CDK14: variants seen among roughly 807,000 people sequenced by gnomAD.
CDK14 encodes cyclin dependent kinase 14.
A neutral mutation model predicts 60.7 loss-of-function variants in CDK14; 34 were observed. The observed-to-expected ratio is 0.56, with a 90% confidence interval of 0.43 to 0.75. CDK14 has a LOEUF of 0.75. Ranked by LOEUF, CDK14 falls within the 30% of genes least tolerant of loss-of-function variation. CDK14 has a pLI of 0.00. For synonymous variants in CDK14, 197 were observed against 203.7 expected, an observed-to-expected ratio of 0.97 and a Z score of 0.28; for missense variants, 482 against 564.1, an observed-to-expected ratio of 0.85 and a Z score of 1.47.
At chr7:91,202,786 C>T (rs1263404327) in intron 14 of CDK14, among the ~76,000 whole-genome samples, 2 of 152,270 alleles carry the variant, frequency 1.3e-5, no homozygotes, top group East Asian at 3.9e-4. Flanking sequence ...CTCATTGGCG[C>T]CTCTCTTCTG....
intron 6 of CDK14, among the ~76,000 whole-genome samples, chr7:90,865,605 G>T (rs1027519095): frequency 2.0e-5 from 3 of 152,066 alleles, no homozygotes; most frequent in Non-Finnish European, 4.4e-5. Context: ...ATTAGTGAGC[G>T]GCATAAGGTA....
chr7:91,166,754 TCTGA>T (rs964686497), intron 14 of CDK14, among the ~76,000 whole-genome samples: 3 of 152,364 alleles, frequency 2.0e-5, no homozygotes, highest in African/African-American at 7.2e-5. Flanking sequence ...CAACAGTTCT[TCTGA>T]CTAGTCCCAA....
chr7:90,768,359 A>G (rs915481072), intron 4 of CDK14, among the ~76,000 whole-genome samples: 1 of 152,172 alleles, frequency 6.6e-6, no homozygotes, highest in Non-Finnish European at 1.5e-5. Flanking sequence ...GGATTTATAT[A>G]TATTTGTGCA....
Position 90,861,913 on chromosome 7 carries a change from A to G in CDK14, c.545-1262A>G, listed in dbSNP as rs1043273154. Among the ~76,000 whole-genome samples the G allele has an allele frequency of 4.6e-5, 7 of 152,358 alleles. 1 individual carries two copies. The highest frequency in any genetic ancestry group is 1.2e-4 in the African/African-American group (5 of 41,584). ...CATTTTGGTTGCAAAAACTCTTGCA[A>G]TAAGTCAACTGTAAAATTAAAACTG... On this transcript the variant is annotated intron_variant, in intron 5 of 14. Coordinates refer to ENST00000380050, the MANE Select transcript of CDK14 (RefSeq NM_001287135.2).
At chr7:90,699,553 A>G (rs1266468330) in intron 2 of CDK14, among the ~76,000 whole-genome samples, 1 of 152,162 alleles carries the variant, frequency 6.6e-6, no homozygotes, top group African/African-American at 2.4e-5. Context: ...GCTGTTCTGC[A>G]TCTGACTTTA....
chr7:90,787,179 C>T (rs1453008776), intron 4 of CDK14, among the ~76,000 whole-genome samples: 1 of 152,196 alleles, frequency 6.6e-6, no homozygotes, highest in Non-Finnish European at 1.5e-5. Flanking sequence ...CAGTGTAATT[C>T]TTAATGAGAA....
chr7:91,202,218 C>T (rs73215191), intron 14 of CDK14, among the ~76,000 whole-genome samples: 31,414 of 152,032 alleles, frequency 0.21, 3,739 homozygotes, highest in Admixed American at 0.32. Context: ...ATTATGGGTA[C>T]GGGCGATCCA....
chr7:91,170,602 T>C (rs999309223), intron 14 of CDK14, among the ~76,000 whole-genome samples: 2 of 152,192 alleles, frequency 1.3e-5, no homozygotes, highest in Admixed American at 6.5e-5. Flanking sequence ...TTCCCCTCAG[T>C]GAAAATTGAT....
intron 14 of CDK14, among the ~76,000 whole-genome samples, chr7:91,124,191 A>G (rs1799870861): frequency 6.6e-6 from 1 of 152,132 alleles, no homozygotes; most frequent in South Asian, 2.1e-4. Context: ...CCCAGCCTTC[A>G]AGCATTTTTT....
chr7:91,185,466 C>T (rs1218132347), intron 14 of CDK14, among the ~76,000 whole-genome samples: 1 of 152,028 alleles, frequency 6.6e-6, no homozygotes, highest in Non-Finnish European at 1.5e-5. Flanking sequence ...GGACATACCT[C>T]ATAATCTCAC....
chr7:90,957,921 CT>C (rs1433712433), intron 9 of CDK14, among the ~76,000 whole-genome samples: 4 of 152,138 alleles, frequency 2.6e-5, no homozygotes, highest in African/African-American at 9.7e-5. Context: ...AAGAACAAAG[CT>C]GGAGGCATCG....
intron 3 of CDK14, among the ~76,000 whole-genome samples, chr7:90,744,015 TA>T (rs199707760): frequency 2.0e-4 from 30 of 151,422 alleles, no homozygotes; most frequent in East Asian, 3.9e-4. Flanking sequence ...TCTTTTTTTT[TA>T]AATTATTTAT....
chr7:91,073,197 C>T (rs1426710446), intron 11 of CDK14, among the ~76,000 whole-genome samples: 1 of 152,086 alleles, frequency 6.6e-6, no homozygotes, highest in African/African-American at 2.4e-5. Flanking sequence ...CCCCAAGACA[C>T]ATGATCAACA....
chr7:90,683,545 A>C (rs1801365629), intron 2 of CDK14, among the ~76,000 whole-genome samples: 1 of 152,236 alleles, frequency 6.6e-6, no homozygotes, highest in Non-Finnish European at 1.5e-5. Flanking sequence ...TCACACCTGT[A>C]ATCCCAGCAC....
intron 14 of CDK14, among the ~76,000 whole-genome samples, chr7:91,188,968 C>T (rs764555970): frequency 6.6e-6 from 1 of 152,068 alleles, no homozygotes; most frequent in African/African-American, 2.4e-5. Context: ...AGACATGTGT[C>T]TTATGTGTTT....
chr7:90,923,133 G>T lies in CDK14; in HGVS notation c.826+5409G>T, dbSNP rs566577839. 6.3e-5 allele frequency among the ~76,000 whole-genome samples: 9 copies of T among 143,160 alleles called. No individual in the cohort carries two copies. The South Asian group carries it at 1.8e-3, about 29-fold the overall frequency. 93.9% of individuals were successfully genotyped at this position (143,160 alleles called of 152,430 possible). A position where few individuals can be genotyped will look rare whatever the true frequency, so the allele number is the denominator to read the frequency against. On this transcript the variant is annotated intron_variant, in intron 8 of 14. Coordinates refer to ENST00000380050, the MANE Select transcript of CDK14 (RefSeq NM_001287135.2). ...TTTTTTTTTTTTTTTTTTTGAGATG[G>T]AGTCTTGCTCTGTCACCCAGGCTGG... is the stretch of plus-strand genomic sequence containing the variant.
intron 8 of CDK14, among the ~76,000 whole-genome samples, chr7:90,950,650 C>T (rs1794230628): frequency 6.6e-6 from 1 of 152,134 alleles, no homozygotes; most frequent in Non-Finnish European, 1.5e-5. Flanking sequence ...GGATGTAGTA[C>T]TGGTTAGAAA....
rs565486979 is a variant in CDK14 at position 90,995,434 on chromosome 7, T to C, written c.1041+11193T>C. ...GCCAAAGGCACCTAGCCAAGATTCATTGGAATTCCTGACCAAAGAAAACTG... is the reference window on the plus strand; with the variant it reads ...GCCAAAGGCACCTAGCCAAGATTCACTGGAATTCCTGACCAAAGAAAACTG... On this transcript the variant is annotated intron_variant, in intron 10 of 14. Coordinates refer to ENST00000380050, the MANE Select transcript of CDK14 (RefSeq NM_001287135.2). Among the ~76,000 whole-genome samples the C allele has an allele frequency of 3.9e-4, 59 of 152,326 alleles. No individual in the cohort carries two copies. The East Asian group carries it at 8.3e-3, about 21-fold the overall frequency.
At chr7:91,155,156 G>A (rs56037447) in intron 14 of CDK14, among the ~76,000 whole-genome samples, 9,126 of 152,232 alleles carry the variant, frequency 0.06, 803 homozygotes, top group East Asian at 0.47. Context: ...CTAGACTGCT[G>A]GAGGAAAGTA....
Sources: allele counts gnomAD v4.1 joint callset (sites outside exome capture counted in the v4.1 genomes callset), GRCh38; gene constraint gnomAD v4.1.1; transcripts MANE v1.5; gene names NCBI Gene and HGNC (gene_info 2026-07-23, HGNC 2026-07-21).